SDHAF4: variants seen among roughly 807,000 people sequenced by gnomAD.
SDHAF4 encodes succinate dehydrogenase assembly factor 4, mitochondrial.
In SDHAF4, 14 loss-of-function variants were observed where a neutral mutation model predicts 14.3. The ratio of observed to expected loss-of-function variants is 0.98; its 90% CI spans 0.65 to 1.53. SDHAF4 has a LOEUF of 1.53. Among genes scored for constraint, SDHAF4 ranks in the 40% most tolerant of loss-of-function variants. SDHAF4 has a pLI of 0.00. For synonymous variants in SDHAF4, 63 were observed against 47.3 expected (o/e 1.33, Z -1.36); for missense variants, 141 against 129.3 (o/e 1.09, Z -0.44).
intron 1 of SDHAF4, among the ~76,000 whole-genome samples, chr6:70,573,744 C>T (rs1201164264): frequency 6.7e-6 from 1 of 149,266 alleles, no homozygotes; most frequent in Non-Finnish European, 1.5e-5. Context: ...GGCGTGATCT[C>T]ACTCACTGCA....
the SDHAF4 span, among the ~76,000 whole-genome samples, chr6:70,597,610 C>T: frequency 1.3e-5 from 2 of 152,106 alleles, no homozygotes; most frequent in Non-Finnish European, 2.9e-5. Flanking sequence ...GCCAAACAAA[C>T]CAAAGGGAAC....
At chr6:70,581,480 T>G (rs1184136740) in intron 2 of SDHAF4, among the ~76,000 whole-genome samples, 1 of 152,168 alleles carries the variant, frequency 6.6e-6, no homozygotes, top group Non-Finnish European at 1.5e-5. Context: ...CTTCAATCCT[T>G]GTTTTATTTG....
At chr6:70,571,157 T>G (rs915038665) in intron 1 of SDHAF4, among the ~76,000 whole-genome samples, 2 of 152,200 alleles carry the variant, frequency 1.3e-5, no homozygotes, top group Non-Finnish European at 2.9e-5. Flanking sequence ...TGAAGTTTAC[T>G]TAATTGATTT....
chr6:70,584,157 C>T lies in SDHAF4; in HGVS notation c.218-4458C>T, dbSNP rs575147399. ...TCCTTCCTCAGCCTCCCTGGGATTA[C>T]AGGCACCTGCCACCACACCCGGTTA... On this transcript the variant is annotated intron_variant, in intron 2 of 2. Coordinates refer to ENST00000370474, the MANE Select transcript of SDHAF4 (RefSeq NM_145267.3). Among the ~76,000 whole-genome samples the T allele has an allele frequency of 4.6e-5, 7 of 152,158 alleles. 1 individual carries two copies. The South Asian group carries it at 1.2e-3, about 27-fold the overall frequency.
At chr6:70,581,356 A>C (rs980566833) in intron 2 of SDHAF4, among the ~76,000 whole-genome samples, 2 of 152,176 alleles carry the variant, frequency 1.3e-5, no homozygotes, top group Non-Finnish European at 2.9e-5. Flanking sequence ...AAAGCTAATC[A>C]TCTATTTGAC....
downstream of SDHAF4, among the ~76,000 whole-genome samples, chr6:70,591,536 A>G (rs909634435): frequency 2.0e-5 from 3 of 151,766 alleles, no homozygotes; most frequent in East Asian, 5.8e-4. Flanking sequence ...TCATCGTGTT[A>G]GCCAGGATAG....
chr6:70,586,032 C>T (rs1193130909), intron 2 of SDHAF4, among the ~76,000 whole-genome samples: 1 of 152,144 alleles, frequency 6.6e-6, no homozygotes, highest in Non-Finnish European at 1.5e-5. Flanking sequence ...GGCCCCTACA[C>T]CTTCTCCCAG....
At chr6:70,575,409 T>G (rs1041656018) in intron 1 of SDHAF4, among the ~76,000 whole-genome samples, 3 of 149,184 alleles carry the variant, frequency 2.0e-5, no homozygotes, top group African/African-American at 7.4e-5. Context: ...GTCAACATGG[T>G]GAAATCCCGT....
downstream of SDHAF4, among the ~76,000 whole-genome samples, chr6:70,589,992 C>T (rs780251298): frequency 6.6e-6 from 1 of 152,192 alleles, no homozygotes; most frequent in Non-Finnish European, 1.5e-5. Flanking sequence ...AATCCCAGCA[C>T]TTTGAGAGAC....
downstream of SDHAF4, among the ~76,000 whole-genome samples, chr6:70,593,149 C>T (rs1765272441): frequency 6.6e-6 from 1 of 152,242 alleles, no homozygotes; most frequent in Non-Finnish European, 1.5e-5. Context: ...TAAATCTTGG[C>T]AGCACTGTCC....
chr6:70,593,769 T>C (rs1202920210), downstream of SDHAF4, among the ~76,000 whole-genome samples: 1 of 123,864 alleles, frequency 8.1e-6, no homozygotes, highest in Admixed American at 7.6e-5. Context: ...CCTGGCTCAC[T>C]GCAACCTCTG....
intron 2 of SDHAF4, among the ~76,000 whole-genome samples, chr6:70,586,646 A>G (rs1765204723): frequency 6.6e-6 from 1 of 152,046 alleles, no homozygotes; most frequent in African/African-American, 2.4e-5. Context: ...TATGATACGT[A>G]TTAAGTATCC....
At chr6:70,583,294 G>C (rs1458170434) in intron 2 of SDHAF4, among the ~76,000 whole-genome samples, 3 of 152,134 alleles carry the variant, frequency 2.0e-5, no homozygotes, top group African/African-American at 7.2e-5. Context: ...TGTATTTTTA[G>C]TAGAAACGGG....
At chr6:70,582,751 C>A (rs1290546275) in intron 2 of SDHAF4, among the ~76,000 whole-genome samples, 1 of 152,192 alleles carries the variant, frequency 6.6e-6, no homozygotes, top group East Asian at 1.9e-4. Flanking sequence ...TTCCCTCTTA[C>A]TCATCCTACC....
downstream of SDHAF4, among the ~76,000 whole-genome samples, chr6:70,591,622 G>A (rs113059096): frequency 0.027 from 4,127 of 152,088 alleles, 139 homozygotes; most frequent in East Asian, 0.086. Flanking sequence ...CACCGCGCCC[G>A]GCCAGTGGGA....
At chr6:70,567,496 G>T (rs1221466946) in intron 1 of SDHAF4, 1 of 153,968 alleles carries the variant, frequency 6.5e-6, no homozygotes, top group East Asian at 1.9e-4. Context: ...TGGGAAAAGT[G>T]CAGAAGTGAG....
chr6:70,581,777 T>A (rs139371350), intron 2 of SDHAF4, among the ~76,000 whole-genome samples: 166 of 152,254 alleles, frequency 1.1e-3, no homozygotes, highest in Middle Eastern at 6.8e-3. Context: ...TCACCTAATT[T>A]AAAAAATTTT....
At chr6:70,598,144 G>A in the SDHAF4 span, among the ~76,000 whole-genome samples, 61,262 of 152,036 alleles carry the variant, frequency 0.4, 13,028 homozygotes, top group African/African-American at 0.52. Flanking sequence ...TTGGAAGGCC[G>A]AGGTGGGTGG....
At chr6:70,594,519 T>C (rs1765284524), downstream of SDHAF4, among the ~76,000 whole-genome samples, 1 of 152,172 alleles carries the variant, frequency 6.6e-6, no homozygotes, top group South Asian at 2.1e-4. Flanking sequence ...GCCTCAGGAC[T>C]CTATAGAGAG....
Sources: allele counts gnomAD v4.1 joint callset (sites outside exome capture counted in the v4.1 genomes callset), GRCh38; gene constraint gnomAD v4.1.1; transcripts MANE v1.5; gene names NCBI Gene and HGNC (gene_info 2026-07-23, HGNC 2026-07-21).